ATXN2: variants seen among roughly 807,000 people sequenced by gnomAD.
ATXN2 encodes the protein ataxin-2.
ATXN2 carries 37 observed loss-of-function variants against 138.6 expected under a neutral mutation model. That is an observed-to-expected ratio of 0.27 (90% CI 0.21 to 0.35). The LOEUF is 0.35. Ranked by LOEUF, ATXN2 falls within the 10% of genes least tolerant of loss-of-function variation. The probability of loss-of-function intolerance (pLI) is 1.00; values close to 1 mark genes in which losing one functional copy is unlikely to be tolerated. For synonymous variants in ATXN2, 549 were observed against 543.7 expected (o/e 1.01, Z -0.13); for missense variants, 1,216 against 1,480.3 (o/e 0.82, Z 2.93).
At chr12:111,529,238 T>A (rs868366054) in intron 5 of ATXN2, among the ~76,000 whole-genome samples, 1 of 152,200 alleles carries the variant, frequency 6.6e-6, no homozygotes, top group Non-Finnish European at 1.5e-5. Context: ...ACTGTGGGAA[T>A]TTGCATGCAG....
chr12:111,453,854 G>C lies in ATXN2; in HGVS notation c.3271-9C>G. The C allele has an allele frequency of 1.9e-6, 3 of 1,601,612 alleles. No homozygotes were observed. Among genetic ancestry groups the C allele is most frequent in the Non-Finnish European group, 2.6e-6 (3 of 1,172,730 alleles). On this transcript the variant is annotated splice_polypyrimidine_tract_variant and intron_variant, in intron 23 of 24. Transcript: ENST00000673436. The surrounding 1 kb of genome is among the most constrained non-coding windows in gnomAD (Gnocchi z 5.4). ...CCTGACTGTACATGAGCCTGAAACA[G>C]AGAGCTCTTTTACGCATACAGGCAA...
intron 14 of ATXN2, among the ~76,000 whole-genome samples, chr12:111,508,230 T>C (rs1879295867): frequency 1.3e-5 from 2 of 151,610 alleles, no homozygotes; most frequent in Admixed American, 1.3e-4. Context: ...GATATATTCA[T>C]ATGCAGTATA....
chr12:111,542,109 T>G (rs567666203), intron 5 of ATXN2, among the ~76,000 whole-genome samples: 1 of 149,344 alleles, frequency 6.7e-6, no homozygotes, highest in South Asian at 2.1e-4. Flanking sequence ...TTGAGGAAAA[T>G]TGACAACGTT....
In ATXN2 at chr12:111,525,316, T is replaced by A. The variant is rs1880422285; in HGVS notation, c.572A>T (p.Asp191Val). 1 of 1,575,986 alleles carries A rather than the reference T, an allele frequency of 6.3e-7. No individual in the cohort carries two copies. The highest frequency in any genetic ancestry group is 1.4e-5 in the African/African-American group (1 of 73,500). Residue 191 changes from aspartate to valine, a missense_variant and splice_region_variant, in exon 6 of 25, where the codon GAT becomes GTT. By Grantham distance (152) the Asp-to-Val change is radical (BLOSUM62 -3). Transcript: ENST00000673436. ...KDMDSSYAKR[D>V]AFTDSAISAK... ...ACTGATAGCAGAGTCAGTAAAAGCA[T>A]CTGCAAAGAATGGTTTTGGTTGAAA... is the stretch of plus-strand genomic sequence containing the variant.
intron 7 of ATXN2, 109 bp from the exon 8 acceptor site, chr12:111,520,185 CA>C: frequency 1.5e-6 from 2 of 1,354,070 alleles, no homozygotes; most frequent in Non-Finnish European, 1.0e-6. Context: ...CTGGTAAAAA[CA>C]GAAACTAAAA....
In ATXN2 at chr12:111,516,103, T is replaced by A. The variant is rs190432649; in HGVS notation, c.1375+51A>T. 1 of 1,494,410 alleles carries A rather than the reference T, an allele frequency of 6.7e-7. No homozygotes were observed. Among genetic ancestry groups the A allele is most frequent in the Non-Finnish European group, 9.1e-7 (1 of 1,094,056 alleles). 92.6% of individuals were successfully genotyped at this position (1,494,410 alleles called of 1,614,324 possible). ...ACTATTTTGTAATTATAAACTCACA[T>A]AGGAGTTAAACAAAGACAAACAAAA... On this transcript the variant is annotated intron_variant, in intron 10 of 24. Transcript: ENST00000673436. The surrounding 1 kb of genome is among the most constrained non-coding windows in gnomAD (Gnocchi z 5.0).
rs529887082 is a variant in ATXN2, at chr12:111,454,047, G to C, written c.3271-202C>G. 107 of 535,046 alleles carry C rather than the reference G, an allele frequency of 2.0e-4. 2 individuals are homozygous for C. The South Asian group carries it at 2.7e-3, about 13-fold the overall frequency. The allele number at this position is 535,046 out of a possible 1,614,324, so 33.1% of individuals were successfully genotyped here. A position where few individuals can be genotyped will look rare whatever the true frequency, so the allele number is the denominator to read the frequency against. ...TTCACCTTTGGGCAGATCCTGCAAG[G>C]GTCAGGGAGCAGGCAACAAGTGAGC... On this transcript the variant is annotated intron_variant, in intron 23 of 24. Coordinates refer to ENST00000673436, the MANE Select transcript of ATXN2 (RefSeq NM_001372574.1).
chr12:111,518,876 A>C (rs980094963), intron 8 of ATXN2, among the ~76,000 whole-genome samples: 17 of 152,170 alleles, frequency 1.1e-4, no homozygotes, highest in African/African-American at 4.1e-4. Context: ...ATCAGTGGAC[A>C]TGTCAATTCA....
intron 14 of ATXN2, among the ~76,000 whole-genome samples, chr12:111,492,660 C>T (rs1046427476): frequency 2.0e-5 from 3 of 150,056 alleles, no homozygotes; most frequent in African/African-American, 4.9e-5. Context: ...CCAGCCTGGG[C>T]GACAGAGCGA....
chr12:111,462,420 CAAGTCAT>C (rs1875652185), intron 21 of ATXN2, among the ~76,000 whole-genome samples: 1 of 152,144 alleles, frequency 6.6e-6, no homozygotes, highest in Admixed American at 6.5e-5. Context: ...TTTGGATGCA[CAAGTCAT>C]AAGAGATCAC....
Position 111,525,313 on chromosome 12 carries a change from G to C in ATXN2, c.575C>G (p.Ala192Gly), listed in dbSNP as rs1358837390. ...DMDSSYAKRDAFTDSAISAKV... is the reference protein window; with the variant it reads ...DMDSSYAKRDGFTDSAISAKV... ...AGCACTGATAGCAGAGTCAGTAAAA[G>C]CATCTGCAAAGAATGGTTTTGGTTG... The change falls in exon 6 of 25, where the codon GCT becomes GGT. Residue 192 changes from alanine to glycine, a missense_variant. This residue lies in a region of ATXN2 where 401 missense variants were observed against 528.1 expected (regional missense o/e 0.76). Transcript: ENST00000673436. 1.3e-6 allele frequency: 2 copies of C among 1,578,652 alleles called. No individual in the cohort carries two copies. Among genetic ancestry groups the C allele is most frequent in the South Asian group, 1.2e-5 (1 of 83,934 alleles).
chr12:111,591,077 AG>A (rs1054249100), intron 1 of ATXN2, among the ~76,000 whole-genome samples: 1 of 151,872 alleles, frequency 6.6e-6, no homozygotes, highest in African/African-American at 2.4e-5. Flanking sequence ...TTTTTAGTAG[AG>A]GGGGGTTTCA....
intron 5 of ATXN2, among the ~76,000 whole-genome samples, chr12:111,547,816 G>T (rs1592888609): frequency 1.4e-5 from 2 of 137,996 alleles, no homozygotes; most frequent in Admixed American, 7.2e-5. Flanking sequence ...ATAATAGTCT[G>T]CATCTTATAT....
intron 21 of ATXN2, among the ~76,000 whole-genome samples, chr12:111,460,332 C>T (rs1052618495): frequency 6.6e-6 from 1 of 152,202 alleles, no homozygotes; most frequent in Non-Finnish European, 1.5e-5. Context: ...TCTTGGCCTC[C>T]CAAAGTGCTG....
chr12:111,557,728 G>C (rs935742365), intron 1 of ATXN2, among the ~76,000 whole-genome samples: 3 of 152,060 alleles, frequency 2.0e-5, no homozygotes, highest in African/African-American at 7.2e-5. Context: ...GTATCACAAG[G>C]AATAAACTAC....
Position 111,453,982 on chromosome 12 carries a change from G to T in ATXN2, c.3271-137C>A. On this transcript the variant is annotated intron_variant, in intron 23 of 24. Coordinates refer to ENST00000673436, the MANE Select transcript of ATXN2 (RefSeq NM_001372574.1). This position sits in a 1 kb window ranked among gnomAD's most constrained non-coding sequence, Gnocchi z 5.4. ...TCAGGGCCCAGTTCTGTTCTCTGGG[G>T]ACAATCTCTAGTAGATTATCTATTG... The T allele has an allele frequency of 1.2e-6, 1 of 812,690 alleles. No homozygotes were observed. The highest frequency in any genetic ancestry group is 1.9e-6 in the Non-Finnish European group (1 of 528,064). 50.3% of individuals were successfully genotyped at this position (812,690 alleles called of 1,614,324 possible).
chr12:111,590,383 T>C (rs1001463600), intron 1 of ATXN2, among the ~76,000 whole-genome samples: 4 of 151,974 alleles, frequency 2.6e-5, no homozygotes, highest in African/African-American at 9.7e-5. Flanking sequence ...CGTGACTGTA[T>C]TCCATAAAAC....
At chr12:111,484,981 G>A in intron 18 of ATXN2, 1 of 276,576 alleles carries the variant, frequency 3.6e-6, no homozygotes, top group Admixed American at 4.6e-5. Context: ...TCCTGCCTTG[G>A]CCTCCCAAAG....
chr12:111,554,082 T>C (rs1882264700), intron 3 of ATXN2, 76 bp downstream of exon 3: 2 of 974,454 alleles, frequency 2.1e-6, no homozygotes, highest in East Asian at 5.6e-5. Flanking sequence ...GACAATCATT[T>C]ATCCACATTT....
Sources: allele counts gnomAD v4.1 joint callset (sites outside exome capture counted in the v4.1 genomes callset), GRCh38; gene constraint gnomAD v4.1.1; regional missense constraint gnomAD v4.1.1; non-coding constraint Gnocchi (gnomAD v3.1); transcripts MANE v1.5; gene names NCBI Gene and HGNC (gene_info 2026-07-23, HGNC 2026-07-21).